The following RAD51B variants were observed in gnomAD, a reference collection of about 807,000 sequenced individuals.
The protein encoded by RAD51B is DNA repair protein RAD51 homolog 2.
RAD51B carries 38 observed loss-of-function variants against 42.2 expected under a neutral mutation model. The ratio of observed to expected loss-of-function variants is 0.90; its 90% confidence interval spans 0.70 to 1.18. The LOEUF is 1.18. Among genes scored for constraint, RAD51B ranks in the 50% most tolerant of loss-of-function variants. RAD51B has a pLI of 0.00. For synonymous variants in RAD51B, 154 were observed against 145.2 expected, an observed-to-expected ratio of 1.06 and a Z score of -0.43; for missense variants, 373 against 400.7, an observed-to-expected ratio of 0.93 and a Z score of 0.59.
intron 7 of RAD51B, among the ~76,000 whole-genome samples, chr14:68,060,595 CAAG>C (rs1202093179): frequency 3.3e-5 from 5 of 152,158 alleles, no homozygotes; most frequent in African/African-American, 1.2e-4. Flanking sequence ...AGCTGCTGAA[CAAG>C]AAGATCTTGA....
chr14:68,010,361 G>A (rs971207242), intron 7 of RAD51B, among the ~76,000 whole-genome samples: 64 of 151,750 alleles, frequency 4.2e-4, no homozygotes, highest in African/African-American at 1.4e-3. Context: ...CTGATTATAC[G>A]TGATTTAGTC....
chr14:68,663,618 TG>T (rs1892978293), intron 11 of RAD51B, among the ~76,000 whole-genome samples: 1 of 152,354 alleles, frequency 6.6e-6, no homozygotes, highest in South Asian at 2.1e-4. Context: ...CCCATTTGAG[TG>T]TGCCGTCTGT....
At chr14:68,514,601 G>A (rs1047214333) in intron 10 of RAD51B, among the ~76,000 whole-genome samples, 37 of 148,750 alleles carry the variant, frequency 2.5e-4, no homozygotes, top group African/African-American at 8.6e-4. Context: ...TCTCAGCCTC[G>A]AATCAGTCTT....
chr14:67,894,270 T>A (rs577143208), intron 7 of RAD51B, among the ~76,000 whole-genome samples: 1 of 152,336 alleles, frequency 6.6e-6, no homozygotes, highest in Admixed American at 6.5e-5. Context: ...TCCTAAAATA[T>A]TTTTTAACAA....
chr14:68,308,777 A>G (rs1421198416), intron 8 of RAD51B, among the ~76,000 whole-genome samples: 2 of 151,888 alleles, frequency 1.3e-5, no homozygotes, highest in Non-Finnish European at 2.9e-5. Context: ...TTCTTCAGAA[A>G]AGAGACTGTT....
At chr14:68,146,518 GTGT>G (rs1211906955) in intron 7 of RAD51B, among the ~76,000 whole-genome samples, 1 of 152,068 alleles carries the variant, frequency 6.6e-6, no homozygotes, top group Admixed American at 6.6e-5. Context: ...AATTGCTTGG[GTGT>G]TGTTGGCTTA....
At chr14:68,167,956 A>G (rs1362901878) in intron 7 of RAD51B, among the ~76,000 whole-genome samples, 2 of 152,150 alleles carry the variant, frequency 1.3e-5, no homozygotes, top group Admixed American at 6.6e-5. Flanking sequence ...TTGCACCCTT[A>G]GGCAGATCTG....
chr14:68,086,579 G>T (rs1178570091), intron 7 of RAD51B, among the ~76,000 whole-genome samples: 1 of 152,122 alleles, frequency 6.6e-6, no homozygotes, highest in Non-Finnish European at 1.5e-5. Context: ...TGCAGGGAGG[G>T]CATGTGGGCT....
intron 10 of RAD51B, among the ~76,000 whole-genome samples, chr14:68,564,361 T>TCATGC (rs1332133420): frequency 6.6e-6 from 1 of 152,042 alleles, no homozygotes; most frequent in African/African-American, 2.4e-5. Context: ...TTGGGAGAGG[T>TCATGC]CATGCCGCAC....
chr14:68,130,088 A>G (rs910196848), intron 7 of RAD51B: 2 of 152,224 alleles, frequency 1.3e-5, no homozygotes, highest in Non-Finnish European at 2.9e-5. Flanking sequence ...GTCCTCTTCC[A>G]AGATCATTCC....
At chr14:68,631,578 T>A (rs1233372178) in intron 10 of RAD51B, among the ~76,000 whole-genome samples, 1 of 152,180 alleles carries the variant, frequency 6.6e-6, no homozygotes, top group East Asian at 1.9e-4. Context: ...GAATCTCCCA[T>A]GTGCCCGGCA....
chr14:68,467,285 T>C (rs2086009437), intron 9 of RAD51B, among the ~76,000 whole-genome samples: 1 of 152,256 alleles, frequency 6.6e-6, no homozygotes, highest in African/African-American at 2.4e-5. Context: ...ATGCCATTGC[T>C]GAAAACATTT....
chr14:67,935,461 G>A (rs549889982), intron 7 of RAD51B, among the ~76,000 whole-genome samples: 1 of 152,234 alleles, frequency 6.6e-6, no homozygotes, highest in African/African-American at 2.4e-5. Flanking sequence ...ACCTCCTGGG[G>A]TTGGGTGATT....
chr14:68,107,229 C>T (rs147730494), intron 7 of RAD51B, among the ~76,000 whole-genome samples: 12 of 151,854 alleles, frequency 7.9e-5, no homozygotes, highest in Admixed American at 5.3e-4. Flanking sequence ...CTAGAAGAGA[C>T]GCTAAAACCT....
At chr14:68,512,999 T>C (rs1220826337) in intron 10 of RAD51B, among the ~76,000 whole-genome samples, 2 of 151,960 alleles carry the variant, frequency 1.3e-5, no homozygotes, top group African/African-American at 2.4e-5. Context: ...TGTGATGTGT[T>C]TGGGGAACAG....
chr14:68,540,270 G>T, intron 10 of RAD51B: 5 of 1,026,092 alleles, frequency 4.9e-6, no homozygotes, highest in Non-Finnish European at 4.7e-6. Context: ...CCCTGTTCAA[G>T]GTTCAAGAGC....
At chr14:68,485,876 G>A (rs958315641) in intron 10 of RAD51B, among the ~76,000 whole-genome samples, 8 of 152,184 alleles carry the variant, frequency 5.3e-5, no homozygotes, top group Admixed American at 5.2e-4. Flanking sequence ...GTTTTTGGAC[G>A]ACTAGTCACG....
intron 8 of RAD51B, among the ~76,000 whole-genome samples, chr14:68,345,318 C>A (rs539844253): frequency 6.6e-6 from 1 of 152,126 alleles, no homozygotes; most frequent in African/African-American, 2.4e-5. Flanking sequence ...TTTGTCCCCT[C>A]CAAATCTCAT....
intron 10 of RAD51B, among the ~76,000 whole-genome samples, chr14:68,530,256 C>G (rs1032467211): frequency 6.6e-6 from 1 of 151,572 alleles, no homozygotes; most frequent in Non-Finnish European, 1.5e-5. Flanking sequence ...CTAGCCTGGG[C>G]AATGTGGCGA....
Sources: gnomAD v4.1 joint callset for allele counts (sites outside exome capture counted in the v4.1 genomes callset) on GRCh38, gnomAD v4.1.1 for gene constraint, MANE v1.5 for transcripts, NCBI Gene and HGNC (gene_info 2026-07-23, HGNC 2026-07-21) for gene names.